BCKDHB: variants seen among roughly 807,000 people sequenced by gnomAD.
BCKDHB encodes branched chain keto acid dehydrogenase E1 subunit beta.
BCKDHB carries 41 observed loss-of-function variants against 48.5 expected under a neutral mutation model. That is an observed-to-expected ratio of 0.85 (90% CI 0.66 to 1.10). BCKDHB has a LOEUF of 1.10. Ranked by LOEUF, BCKDHB falls within the 50% of genes least tolerant of loss-of-function variation. BCKDHB has a pLI of 0.00. For missense variants in BCKDHB, 496 were observed against 494.2 expected, an observed-to-expected ratio of 1.00 and a Z score of -0.03; for synonymous variants, 201 against 174.8, an observed-to-expected ratio of 1.15 and a Z score of -1.18.
chr6:80,297,100 G>A (rs1007411207), intron 9 of BCKDHB, among the ~76,000 whole-genome samples: 5 of 152,136 alleles, frequency 3.3e-5, no homozygotes, highest in Admixed American at 6.6e-5. Flanking sequence ...AGATAAGGGC[G>A]ACTGTTTCCA....
At chr6:80,449,973 C>CT in the BCKDHB span, among the ~76,000 whole-genome samples, 1 of 151,838 alleles carries the variant, frequency 6.6e-6, no homozygotes, top group Non-Finnish European at 1.5e-5. Flanking sequence ...TTTGGATTTC[C>CT]TTTTTGTGGA....
the BCKDHB span, among the ~76,000 whole-genome samples, chr6:80,463,533 G>A: frequency 9.1e-4 from 139 of 152,124 alleles, 2 homozygotes; most frequent in East Asian, 0.022. Flanking sequence ...ATAGAGAAAT[G>A]CCTTTGATTA....
At position 80,109,028 on chromosome 6, in the gene BCKDHB, C is replaced by G. The variant is rs780026649; in HGVS notation, c.196+2139C>G. ...GTCGGAAGAATTATCCTACAATTCA[C>G]TGGAGTTTTTATAACCTTCTTGAGA... On this transcript the variant is annotated intron_variant, in intron 1 of 9. Transcript: ENST00000320393. 4.9e-4 allele frequency among the ~76,000 whole-genome samples: 74 copies of G among 152,184 alleles called. 1 individual carries two copies. The highest frequency in any genetic ancestry group is 7.3e-5 in the Non-Finnish European group (5 of 68,030).
chr6:80,173,014 A>G (rs541800924), intron 6 of BCKDHB, among the ~76,000 whole-genome samples: 1 of 152,266 alleles, frequency 6.6e-6, no homozygotes, highest in African/African-American at 2.4e-5. Context: ...TCCTGTGGCT[A>G]TTATAGTTAT....
At chr6:80,374,147 G>C in the BCKDHB span, 1 of 713,702 alleles carries the variant, frequency 1.4e-6, no homozygotes, top group East Asian at 2.8e-5. Flanking sequence ...GGCAGGGAGA[G>C]CTCATGTATG....
intron 9 of BCKDHB, among the ~76,000 whole-genome samples, chr6:80,301,289 C>G (rs561195124): frequency 2.6e-5 from 4 of 152,016 alleles, no homozygotes; most frequent in Non-Finnish European, 5.9e-5. Context: ...AGAACACTAG[C>G]TAGATTAACA....
chr6:80,334,384 T>C (rs979640002), intron 9 of BCKDHB, among the ~76,000 whole-genome samples: 12 of 152,136 alleles, frequency 7.9e-5, no homozygotes, highest in Non-Finnish European at 1.3e-4. Context: ...TTGTTTGCTT[T>C]GTTAATTTGT....
chr6:80,295,498 G>A (rs548163753), intron 9 of BCKDHB, among the ~76,000 whole-genome samples: 21 of 151,818 alleles, frequency 1.4e-4, no homozygotes, highest in Non-Finnish European at 2.4e-4. Context: ...ACCTCCCACC[G>A]GATCTCTCCC....
intron 8 of BCKDHB, among the ~76,000 whole-genome samples, chr6:80,259,741 A>G (rs1288031497): frequency 6.6e-6 from 1 of 152,244 alleles, no homozygotes; most frequent in Admixed American, 6.5e-5. Context: ...TGTAAAGTAG[A>G]TTCAAAAACA....
intron 8 of BCKDHB, among the ~76,000 whole-genome samples, chr6:80,229,687 CTT>C (rs1261281244): frequency 6.6e-6 from 1 of 151,824 alleles, no homozygotes; most frequent in African/African-American, 2.4e-5. Flanking sequence ...ATCTAGAAGA[CTT>C]TCACTAAATA....
chr6:80,343,498 GCGAACA>G, intron 9 of BCKDHB, 160 bp from the exon 10 acceptor site: 1 of 728,158 alleles, frequency 1.4e-6, no homozygotes. Flanking sequence ...CTGGGATCAT[GCGAACA>G]TGCTGTTACC....
At chr6:80,396,193 C>T in the BCKDHB span, among the ~76,000 whole-genome samples, 1 of 152,172 alleles carries the variant, frequency 6.6e-6, no homozygotes, top group Non-Finnish European at 1.5e-5. Flanking sequence ...GGTAGATCCA[C>T]TGACAGCTTG....
chr6:80,281,027 CGT>C (rs70981415), intron 9 of BCKDHB, among the ~76,000 whole-genome samples: 36 of 147,282 alleles, frequency 2.4e-4, no homozygotes, highest in East Asian at 1.2e-3. Flanking sequence ...CAGGTGTATG[CGT>C]GTGTGTGTGT....
At chr6:80,358,494 G>A in the BCKDHB span, among the ~76,000 whole-genome samples, 1 of 152,198 alleles carries the variant, frequency 6.6e-6, no homozygotes, top group South Asian at 2.1e-4. Flanking sequence ...GGCATCAAAA[G>A]CCGATCTGGA....
intron 6 of BCKDHB, among the ~76,000 whole-genome samples, chr6:80,198,866 C>G (rs772443773): frequency 6.6e-6 from 1 of 152,124 alleles, no homozygotes; most frequent in Non-Finnish European, 1.5e-5. Flanking sequence ...AAATTACTCA[C>G]AGATTTCTGG....
At chr6:80,247,128 C>T (rs1299317637) in intron 8 of BCKDHB, among the ~76,000 whole-genome samples, 3 of 152,100 alleles carry the variant, frequency 2.0e-5, no homozygotes, top group East Asian at 1.9e-4. Flanking sequence ...AAAACAAAAC[C>T]GTTTCTCTCT....
chr6:80,182,382 A>T (rs763350250), intron 6 of BCKDHB, among the ~76,000 whole-genome samples: 1 of 152,308 alleles, frequency 6.6e-6, no homozygotes, highest in East Asian at 1.9e-4. Context: ...TTTTAATATT[A>T]TTCACTTTTC....
the BCKDHB span, among the ~76,000 whole-genome samples, chr6:80,416,746 A>G: frequency 6.7e-6 from 1 of 150,036 alleles, no homozygotes; most frequent in Admixed American, 6.7e-5. Context: ...AGAATAATGT[A>G]TATTCTGGGT....
At chr6:80,173,446 T>C (rs1773009957) in intron 6 of BCKDHB, among the ~76,000 whole-genome samples, 1 of 152,174 alleles carries the variant, frequency 6.6e-6, no homozygotes, top group Non-Finnish European at 1.5e-5. Flanking sequence ...GTCTTCATAT[T>C]AGTCTTCTCT....
Sources: allele counts gnomAD v4.1 joint callset (sites outside exome capture counted in the v4.1 genomes callset), GRCh38; gene constraint gnomAD v4.1.1; transcripts MANE v1.5; gene names NCBI Gene and HGNC (gene_info 2026-07-23, HGNC 2026-07-21).